Variants in SNTB1 observed in about 807,000 individuals in gnomAD.
SNTB1 encodes beta-1-syntrophin.
Under a neutral mutation model 48.9 loss-of-function variants are expected in SNTB1, and 36 were observed. The ratio of observed to expected loss-of-function variants is 0.74; its 90% CI spans 0.56 to 0.97. The LOEUF is 0.97. SNTB1 is among the 50% of genes least tolerant of loss of function. SNTB1 has a pLI of 0.00. For missense variants in SNTB1, 786 were observed against 703.4 expected, an observed-to-expected ratio of 1.12 and a Z score of -1.33; for synonymous variants, 299 against 294.6, an observed-to-expected ratio of 1.01 and a Z score of -0.15.
chr8:120,548,997 CTAGT>C, intron 4 of SNTB1, 39 bp from the exon 5 acceptor site: 7 of 1,487,008 alleles, frequency 4.7e-6, no homozygotes, highest in Non-Finnish European at 6.3e-6. Flanking sequence ...AAAATGGAGA[CTAGT>C]TTATTCACCT....
intron 2 of SNTB1, among the ~76,000 whole-genome samples, chr8:120,684,966 C>A (rs1242433823): frequency 1.3e-5 from 2 of 152,160 alleles, no homozygotes; most frequent in African/African-American, 2.4e-5. Flanking sequence ...AAAATTGAAT[C>A]TTAATTCTCC....
intron 1 of SNTB1, among the ~76,000 whole-genome samples, chr8:120,800,343 C>T (rs1477787147): frequency 6.6e-6 from 1 of 152,048 alleles, no homozygotes; most frequent in African/African-American, 2.4e-5. Flanking sequence ...CTGGAAAGTG[C>T]TGAAGGAAAG....
In SNTB1 at chr8:120,541,978, CT is replaced by C. The variant is rs1346971645; in HGVS notation, c.1355del (p.Glu452GlyfsTer4). On this transcript the variant is annotated frameshift_variant, in exon 6 of 7. Coordinates refer to ENST00000517992, the MANE Select transcript of SNTB1 (RefSeq NM_021021.4). LOFTEE classifies it high-confidence loss of function. The stretch of plus-strand genomic sequence containing the variant: ...TCTCATAATGTATGGTCAAACGGCA[CT>C]CCTGGTTTTTGTAGGTGCAAGCTGA... ...ISTACTYKNQ[E>X]CRLTIHYENG... is the part of the protein sequence containing the mutation. 6.2e-7 allele frequency: 1 copy of C among 1,613,462 alleles called. No homozygotes were observed. The highest frequency in any genetic ancestry group is 1.3e-5 in the African/African-American group (1 of 74,890).
intron 4 of SNTB1, among the ~76,000 whole-genome samples, chr8:120,565,164 T>G (rs1182625043): frequency 6.6e-6 from 1 of 152,222 alleles, no homozygotes; most frequent in East Asian, 1.9e-4. Flanking sequence ...CCTGTGAATT[T>G]TAGTTGGTTA....
intron 2 of SNTB1, among the ~76,000 whole-genome samples, chr8:120,686,286 T>C (rs1818031104): frequency 6.6e-6 from 1 of 152,256 alleles, no homozygotes; most frequent in Non-Finnish European, 1.5e-5. Context: ...TTCAGGCTGC[T>C]ATAAAAAATA....
In SNTB1 at chr8:120,806,519, G is replaced by A. The variant is rs541220458; in HGVS notation, c.571+4754C>T. Among the ~76,000 whole-genome samples the A allele has an allele frequency of 1.8e-4, 27 of 152,190 alleles. No individual in the cohort carries two copies. The South Asian group carries it at 3.1e-3, about 18-fold the overall frequency. ...TTCTCCTTTATATTACTACTAGGGC[G>A]TTCTATTGATGTTTAAACTTAAAGT... On this transcript the variant is annotated intron_variant, in intron 1 of 6. Transcript: ENST00000517992.
At chr8:120,556,257 T>C (rs1186125656) in intron 4 of SNTB1, among the ~76,000 whole-genome samples, 1 of 152,112 alleles carries the variant, frequency 6.6e-6, no homozygotes, top group Non-Finnish European at 1.5e-5. Context: ...TTCTGGTAGA[T>C]GACAAGCAAA....
intron 2 of SNTB1, among the ~76,000 whole-genome samples, chr8:120,681,885 A>AAAACAAAC (rs72091757): frequency 6.6e-6 from 1 of 151,462 alleles, no homozygotes. Flanking sequence ...GATGAAGATA[A>AAAACAAAC]AAACAAACAA....
intron 3 of SNTB1, among the ~76,000 whole-genome samples, chr8:120,624,144 G>C (rs1816835921): frequency 6.6e-6 from 1 of 152,216 alleles, no homozygotes; most frequent in African/African-American, 2.4e-5. Flanking sequence ...CACCATGTTG[G>C]CCAGGCTGGT....
At chr8:120,801,624 T>A (rs1172636359) in intron 1 of SNTB1, among the ~76,000 whole-genome samples, 1 of 152,084 alleles carries the variant, frequency 6.6e-6, no homozygotes, top group Non-Finnish European at 1.5e-5. Flanking sequence ...ATGCACTGTA[T>A]TTAATCAATT....
intron 1 of SNTB1, among the ~76,000 whole-genome samples, chr8:120,696,203 A>T (rs1475454943): frequency 1.3e-5 from 2 of 152,232 alleles, no homozygotes; most frequent in African/African-American, 4.8e-5. Context: ...ATTTGATTGC[A>T]TTATTATCCT....
Position 120,573,991 on chromosome 8 carries a change from G to A in SNTB1, c.1136+1095C>T, listed in dbSNP as rs562884694. Among the ~76,000 whole-genome samples, 791 of 152,222 alleles carry A rather than the reference G, an allele frequency of 5.2e-3. 4 individuals are homozygous for A. Among genetic ancestry groups the A allele is most frequent in the Middle Eastern group, 0.01 (3 of 294 alleles). ...TCTAAAGGTCCGTCTATAGATGAAC[G>A]GATAAAGAAAGTGTGGTATTTACAT... is the stretch of plus-strand genomic sequence containing the variant. On this transcript the variant is annotated intron_variant, in intron 4 of 6. Coordinates refer to ENST00000517992, the MANE Select transcript of SNTB1 (RefSeq NM_021021.4).
At chr8:120,615,599 G>T (rs4871076) in intron 3 of SNTB1, among the ~76,000 whole-genome samples, 124,752 of 152,154 alleles carry the variant, frequency 0.82, 52,048 homozygotes, top group Middle Eastern at 0.91. Flanking sequence ...GAAACTGAAC[G>T]TGCAAATGGC....
At chr8:120,648,496 C>T (rs1817343199) in intron 2 of SNTB1, among the ~76,000 whole-genome samples, 1 of 151,822 alleles carries the variant, frequency 6.6e-6, no homozygotes, top group African/African-American at 2.4e-5. Context: ...ATATTGGCCC[C>T]CACTCTCTTC....
In SNTB1 at chr8:120,548,819, T is replaced by C. The variant is rs1815427484; in HGVS notation, c.1276A>G (p.Arg426Gly). 3 of 1,614,178 alleles carry C rather than the reference T, an allele frequency of 1.9e-6. No individual in the cohort carries two copies. Among genetic ancestry groups the C allele is most frequent in the Non-Finnish European group, 2.5e-6 (3 of 1,180,012 alleles). The change falls in exon 5 of 7, where the codon AGG (arginine) becomes GGG (glycine). Residue 426 changes from arginine (R) to glycine (G), a missense_variant. By Grantham distance (125) the Arg-to-Gly change is moderately radical (BLOSUM62 -2). Coordinates refer to ENST00000517992, the MANE Select transcript of SNTB1 (RefSeq NM_021021.4). ...TTGTGGCAACCCTGTACTATGCTCC[T>C]TGTCCAGTGGGAGAGGTCCCTGCTG... ...ETSRDLSHWT[R>G]SIVQGCHNSA... is the part of the protein sequence containing the mutation.
At chr8:120,571,088 G>GATGA (rs1239277930) in intron 4 of SNTB1, 20 of 662,514 alleles carry the variant, frequency 3.0e-5, no homozygotes, top group South Asian at 2.3e-4. Context: ...AATGTTGACT[G>GATGA]ATGAATGAAT....
chr8:120,642,050 T>C (rs1343640648), intron 2 of SNTB1, among the ~76,000 whole-genome samples: 2 of 152,150 alleles, frequency 1.3e-5, no homozygotes, highest in African/African-American at 2.4e-5. Context: ...CCTACTTAAC[T>C]AGGAACTCTG....
At chr8:120,736,917 C>T (rs1382398223) in intron 1 of SNTB1, among the ~76,000 whole-genome samples, 1 of 152,184 alleles carries the variant, frequency 6.6e-6, no homozygotes, top group Non-Finnish European at 1.5e-5. Flanking sequence ...TTAAACTCCT[C>T]TCTCTCCATC....
At chr8:120,640,383 C>T (rs1399971431) in intron 2 of SNTB1, among the ~76,000 whole-genome samples, 1 of 152,182 alleles carries the variant, frequency 6.6e-6, no homozygotes, top group African/African-American at 2.4e-5. Context: ...TTTCTCCTCC[C>T]TGATTGCCCT....
Sources: allele counts gnomAD v4.1 joint callset (sites outside exome capture counted in the v4.1 genomes callset), GRCh38; gene constraint gnomAD v4.1.1; transcripts MANE v1.5; gene names NCBI Gene and HGNC (gene_info 2026-07-23, HGNC 2026-07-21).